Variants in TNNT1 observed in about 807,000 individuals in gnomAD.
The protein encoded by TNNT1 is troponin T, slow skeletal muscle.
TNNT1 carries 53 observed loss-of-function variants against 50.6 expected under a neutral mutation model. That is an observed-to-expected ratio of 1.05 (90% CI 0.84 to 1.32). TNNT1 has a LOEUF of 1.32. Ranked by LOEUF, TNNT1 falls within the 40% of genes most tolerant of loss-of-function variation. TNNT1 has a pLI of 0.00. For synonymous variants in TNNT1, 142 were observed against 138.0 expected (o/e 1.03, Z -0.20); for missense variants, 348 against 381.7 (o/e 0.91, Z 0.74).
chr19:55,148,780 C>T (rs556148332), intron 1 of TNNT1, among the ~76,000 whole-genome samples: 34 of 151,828 alleles, frequency 2.2e-4, no homozygotes, highest in Middle Eastern at 3.4e-3. Context: ...CTTCTGAGAC[C>T]CCCCCAATTC....
At position 55,141,856 on chromosome 19, in the gene TNNT1, C is replaced by A; in HGVS notation, c.192+1G>T. ...CTGCGGAGGGGTCTCTTGTCACTTA[C>A]ATCGAAGTCAACGCGCTCCCCTTCT... On this transcript the variant is annotated splice_donor_variant, in intron 7 of 13. Transcript: ENST00000588981. LOFTEE classifies it high-confidence loss of function. 1 of 1,614,012 alleles carries A rather than the reference C, an allele frequency of 6.2e-7. No individual in the cohort carries two copies.
At chr19:55,137,928 ACTCAGAC>A in intron 10 of TNNT1, 26 bp downstream of exon 10, 3 of 1,613,760 alleles carry the variant, frequency 1.9e-6, no homozygotes, top group Non-Finnish European at 2.5e-6. Flanking sequence ...CCCCCTCAGA[ACTCAGAC>A]CTCAGGCTCC....
chr19:55,142,923 G>A (rs2085485296), intron 6 of TNNT1, among the ~76,000 whole-genome samples: 1 of 151,234 alleles, frequency 6.6e-6, no homozygotes, highest in Admixed American at 6.6e-5. Flanking sequence ...TAGCACTTTG[G>A]GAGGCCAAGG....
chr19:55,134,869 A>T, intron 11 of TNNT1, among the ~76,000 whole-genome samples: 1 of 127,604 alleles, frequency 7.8e-6, no homozygotes, highest in Admixed American at 9.0e-5. Context: ...GGGAAAGAAA[A>T]GGAAGAAAGA....
chr19:55,147,213 AG>A, intron 1 of TNNT1, 45 bp from the exon 2 acceptor site: 1 of 1,596,020 alleles, frequency 6.3e-7, no homozygotes, highest in Non-Finnish European at 8.6e-7. Flanking sequence ...GGCCCCAAGG[AG>A]GGGGCGACCT....
chr19:55,139,840 ATGGCCAGGCATGG>A (rs1420567872), intron 9 of TNNT1, among the ~76,000 whole-genome samples: 2 of 151,860 alleles, frequency 1.3e-5, no homozygotes, highest in African/African-American at 4.8e-5. Flanking sequence ...AATGATGACA[ATGGCCAGGCATGG>A]TGGCTCATGC....
intron 13 of TNNT1, 150 bp downstream of exon 13, chr19:55,133,737 G>T: frequency 1.2e-6 from 1 of 863,644 alleles, no homozygotes. Flanking sequence ...GATTCCGAGA[G>T]CAGAGAGAGG....
In TNNT1 at chr19:55,146,005, G is replaced by A. The variant is rs1328026049; in HGVS notation, c.106+429C>T. On this transcript the variant is annotated intron_variant, in intron 5 of 13. Transcript: ENST00000588981. ...CCGCCCCACCGCCCCCCCGCCCCCGGCCCGACCTTGGAGACCCTGACTCCC... is the reference window on the plus strand; with the variant it reads ...CCGCCCCACCGCCCCCCCGCCCCCGACCCGACCTTGGAGACCCTGACTCCC... 8.2e-5 allele frequency among the ~76,000 whole-genome samples: 6 copies of A among 73,196 alleles called. No individual in the cohort carries two copies. In the East Asian group the frequency reaches 1.8e-3, roughly 22 times the overall value. The allele number at this position is 73,196 out of a possible 152,430, so 48.0% of individuals were successfully genotyped here. A position where few individuals can be genotyped will look rare whatever the true frequency, so the allele number is the denominator to read the frequency against.
At chr19:55,141,107 C>G (rs148264676) in intron 8 of TNNT1, 79 bp downstream of exon 8, 1 of 1,494,186 alleles carries the variant, frequency 6.7e-7, no homozygotes, top group Non-Finnish European at 9.3e-7. Flanking sequence ...AGGAGGAAAA[C>G]TATTATCTGC....
At chr19:55,145,491 G>A (rs2085532149) in intron 6 of TNNT1, 53 bp downstream of exon 6, 2 of 1,579,620 alleles carry the variant, frequency 1.3e-6, no homozygotes, top group Admixed American at 1.7e-5. Context: ...TGGGGGTAGA[G>A]GGAATATTTA....
intron 10 of TNNT1, 74 bp from the exon 11 acceptor site, chr19:55,137,286 G>C: frequency 1.9e-6 from 2 of 1,060,962 alleles, no homozygotes; most frequent in Non-Finnish European, 2.9e-6. Context: ...GGACCCACAC[G>C]TCGGATCCCA....
At chr19:55,138,576 C>A (rs1295760534) in intron 9 of TNNT1, among the ~76,000 whole-genome samples, 1 of 152,156 alleles carries the variant, frequency 6.6e-6, no homozygotes, top group Non-Finnish European at 1.5e-5. Flanking sequence ...CCGCACCTGG[C>A]CCCCTTCTCT....
At position 55,133,925 on chromosome 19, in the gene TNNT1, G is replaced by C; in HGVS notation, c.753C>G (p.Ile251Met). The C allele has an allele frequency of 1.2e-6, 2 of 1,613,584 alleles. No homozygotes were observed. Among genetic ancestry groups the C allele is most frequent in the Non-Finnish European group, 1.7e-6 (2 of 1,180,032 alleles). Residue 251 changes from isoleucine to methionine, a missense_variant and splice_region_variant, in exon 13 of 14, where the codon ATC becomes ATG. By Grantham distance (10) the Ile-to-Met change is conservative (BLOSUM62 1). Around this residue, in one of 3 missense-constraint regions of TNNT1, gnomAD observed 253 missense variants for 291.8 expected, o/e 0.87. Coordinates refer to ENST00000588981, the MANE Select transcript of TNNT1 (RefSeq NM_003283.6). Reference sequence around the variant, plus strand: ...GGCTGATGCGGTTGTACAGCACGTTGATCTGCGGAGGCAGAAGACAGATGC... The same window carrying C: ...GGCTGATGCGGTTGTACAGCACGTTCATCTGCGGAGGCAGAAGACAGATGC... ...MAKLKQQKYE[I>M]NVLYNRISHA...
Position 55,137,188 on chromosome 19 carries a change from G to A in TNNT1, c.526C>T (p.Gln176Ter), listed in dbSNP as rs750890651. ...VKAEQKRGKR[Q>*]TGREMKVRIL... ...CGCACCTTCATCTCCCGCCCCGTCT[G>A]CCGCTTACCACGCTTCTGTTCTGCC... The change falls in exon 11 of 14, where the codon CAG becomes TAG. Residue 176 changes from glutamine (Q) to a stop codon, truncating the protein, a stop_gained. Transcript: ENST00000588981. LOFTEE classifies it high-confidence loss of function. 1 of 1,613,072 alleles carries A rather than the reference G, an allele frequency of 6.2e-7. No homozygotes were observed. Among genetic ancestry groups the A allele is most frequent in the Non-Finnish European group, 8.5e-7 (1 of 1,179,730 alleles).
At chr19:55,141,988 T>C in intron 6 of TNNT1, 68 bp from the exon 7 acceptor site, 1 of 1,534,718 alleles carries the variant, frequency 6.5e-7, no homozygotes, top group Non-Finnish European at 9.0e-7. Flanking sequence ...ACCTCCGGGA[T>C]GTGCCGTCCA....
chr19:55,145,967 CGCCCCCT>C (rs900596090), intron 5 of TNNT1, among the ~76,000 whole-genome samples: 1 of 146,652 alleles, frequency 6.8e-6, no homozygotes, highest in African/African-American at 2.7e-5. Flanking sequence ...CTCCCCAGCT[CGCCCCCT>C]GCCCACCGCC....
At position 55,143,958 on chromosome 19, in the gene TNNT1, A is replaced by G. The variant is rs111809743; in HGVS notation, c.128+1586T>C. On this transcript the variant is annotated intron_variant, in intron 6 of 13. Coordinates refer to ENST00000588981, the MANE Select transcript of TNNT1 (RefSeq NM_003283.6). ...CACTGTCCACTTTGTTCCCCAGCCC[A>G]GAGACCCTTCGGGGTTGTCCCCATT... Among the ~76,000 whole-genome samples, 451 of 152,158 alleles carry G rather than the reference A, an allele frequency of 3.0e-3. 3 individuals carry two copies. The highest frequency in any genetic ancestry group is 0.011 in the African/African-American group (442 of 41,508).
At position 55,133,450 on chromosome 19, in the gene TNNT1, C is replaced by T. The variant is rs188243554; in HGVS notation, c.791+437G>A. On this transcript the variant is annotated intron_variant, in intron 13 of 13. Coordinates refer to ENST00000588981, the MANE Select transcript of TNNT1 (RefSeq NM_003283.6). ...ATCCCAGCACTTTAGGAGGCCAAGG[C>T]GGGTGGATCACGAGGTCAGGAGTTC... 337 of 296,698 alleles carry T rather than the reference C, an allele frequency of 1.1e-3. 2 individuals are homozygous for T. Among genetic ancestry groups the T allele is most frequent in the African/African-American group, 6.7e-3 (306 of 45,444 alleles). 18.4% of individuals were successfully genotyped at this position (296,698 alleles called of 1,614,324 possible).
chr19:55,138,000 C>A lies in TNNT1; in HGVS notation c.462G>T (p.Leu154=), dbSNP rs756954969. ...CGCCAAAATGGGCCCCCATGTTGGA[C>A]AGCACCTTCTTTTTCTTGGCATCAT... The part of the protein sequence containing the change: ...AEDDAKKKKV[L]SNMGAHFGGY... The change falls in exon 10 of 14, where the codon CTG becomes CTT. Residue 154 remains leucine (L), a synonymous_variant. Coordinates refer to ENST00000588981, the MANE Select transcript of TNNT1 (RefSeq NM_003283.6). 10 of 1,614,220 alleles carry A rather than the reference C, an allele frequency of 6.2e-6. No homozygotes were observed. Among genetic ancestry groups the A allele is most frequent in the Non-Finnish European group, 1.7e-6 (2 of 1,180,032 alleles).
Sources: allele counts gnomAD v4.1 joint callset (sites outside exome capture counted in the v4.1 genomes callset), GRCh38; gene constraint gnomAD v4.1.1; regional missense constraint gnomAD v4.1.1; transcripts MANE v1.5; gene names NCBI Gene and HGNC (gene_info 2026-07-23, HGNC 2026-07-21).